Variants in SAMD12 observed in about 807,000 individuals in gnomAD.
The protein encoded by SAMD12 is sterile alpha motif domain-containing protein 12.
In SAMD12, 9 loss-of-function variants were observed where a neutral mutation model predicts 15.0. The observed-to-expected ratio is 0.60, with a 90% CI of 0.36 to 1.05. SAMD12 has a LOEUF of 1.05. SAMD12 is among the 50% of genes least tolerant of loss of function. SAMD12 has a pLI of 0.01. For missense variants in SAMD12, 230 were observed against 234.2 expected, an observed-to-expected ratio of 0.98 and a Z score of 0.12; for synonymous variants, 86 against 90.1, an observed-to-expected ratio of 0.96 and a Z score of 0.25.
chr8:118,467,185 G>A (rs1215279546), intron 2 of SAMD12, among the ~76,000 whole-genome samples: 1 of 152,098 alleles, frequency 6.6e-6, no homozygotes, highest in African/African-American at 2.4e-5. Context: ...ACTACTTCTG[G>A]ACCCCCTTGG....
chr8:118,364,034 A>C (rs1162569404), intron 4 of SAMD12, among the ~76,000 whole-genome samples: 2 of 152,236 alleles, frequency 1.3e-5, no homozygotes, highest in Non-Finnish European at 2.9e-5. Context: ...TTAATAATTC[A>C]GAAAACTGCT....
intron 2 of SAMD12, among the ~76,000 whole-genome samples, chr8:118,488,094 AAAT>A (rs952490632): frequency 2.0e-5 from 3 of 152,186 alleles, no homozygotes; most frequent in African/African-American, 7.2e-5. Flanking sequence ...ATAAAAAAAA[AAAT>A]AAGACTATCA....
At chr8:118,191,756 T>TTCTCTCTCTCTCTCTCTCTCTCTCTCTC (rs1819380190) in exon 5 of SAMD12, 3 of 15,350 alleles carry the variant, frequency 2.0e-4, no homozygotes, top group African/African-American at 6.4e-4. Flanking sequence ...ATACTGGAGA[T>TTCTCTCTCTCTCTCTCTCTCTCTCTCTC]TATATATATA....
At chr8:118,546,817 C>A (rs1728595914) in intron 2 of SAMD12, among the ~76,000 whole-genome samples, 1 of 152,180 alleles carries the variant, frequency 6.6e-6, no homozygotes, top group African/African-American at 2.4e-5. Context: ...TCATTGGGAA[C>A]TGAGCCCAGC....
intron 2 of SAMD12, among the ~76,000 whole-genome samples, chr8:118,514,248 T>A (rs548344360): frequency 6.6e-6 from 1 of 152,318 alleles, no homozygotes; most frequent in South Asian, 2.1e-4. Context: ...ACAATAGAAA[T>A]TTTGAACATT....
chr8:118,299,057 GAA>G (rs1317050928), intron 4 of SAMD12, among the ~76,000 whole-genome samples: 1 of 152,108 alleles, frequency 6.6e-6, no homozygotes, highest in African/African-American at 2.4e-5. Context: ...TTATATCTGG[GAA>G]AAGTCATTGC....
In SAMD12 at chr8:118,379,208, G is replaced by T. The variant is rs1222258758; in HGVS notation, c.*209C>A. The stretch of plus-strand genomic sequence containing the variant: ...AGCTACAGCTGGACTGTACAGTTGT[G>T]CAGGCTGCACATTATACAACTCTAG... On this transcript the variant is annotated 3_prime_UTR_variant, in exon 4 of 4. Transcript: ENST00000314727. 26 of 1,389,606 alleles carry T rather than the reference G, an allele frequency of 1.9e-5. No homozygotes were observed. The highest frequency in any genetic ancestry group is 1.9e-6 in the Non-Finnish European group (2 of 1,072,778). 86.1% of individuals were successfully genotyped at this position (1,389,606 alleles called of 1,614,324 possible). A position where few individuals can be genotyped will look rare whatever the true frequency, so the allele number is the denominator to read the frequency against.
chr8:118,407,975 G>A (rs896032462), intron 3 of SAMD12, among the ~76,000 whole-genome samples: 2 of 152,124 alleles, frequency 1.3e-5, no homozygotes, highest in African/African-American at 4.8e-5. Context: ...CACTGTGAAT[G>A]ATTCGAGCTC....
At chr8:118,305,682 T>G (rs751132084) in intron 4 of SAMD12, among the ~76,000 whole-genome samples, 2 of 152,178 alleles carry the variant, frequency 1.3e-5, no homozygotes, top group Non-Finnish European at 2.9e-5. Context: ...AAATAATGTC[T>G]AGAAAGGTCC....
At chr8:118,615,987 A>G (rs1385814007) in intron 1 of SAMD12, among the ~76,000 whole-genome samples, 4 of 152,236 alleles carry the variant, frequency 2.6e-5, no homozygotes, top group Non-Finnish European at 5.9e-5. Flanking sequence ...GGAATTTTCA[A>G]TGACGAACTT....
intron 1 of SAMD12, among the ~76,000 whole-genome samples, chr8:118,617,193 ACT>A (rs1253042253): frequency 1.3e-5 from 2 of 152,102 alleles, no homozygotes; most frequent in African/African-American, 4.8e-5. Flanking sequence ...GACTCCTTTT[ACT>A]CTCTGTGATG....
chr8:118,196,722 A>G (rs958552002), exon 5 of SAMD12: 1 of 152,174 alleles, frequency 6.6e-6, no homozygotes, highest in African/African-American at 2.4e-5. Flanking sequence ...GTCAGACCAC[A>G]CAAAAGAATT....
chr8:118,378,707 T>G lies in SAMD12; in HGVS notation c.*710A>C, dbSNP rs919687697. 2.0e-6 allele frequency: 2 copies of G among 984,958 alleles called. No homozygotes were observed. Among genetic ancestry groups the G allele is most frequent in the Non-Finnish European group, 1.2e-6 (1 of 829,642 alleles). 61.0% of individuals were successfully genotyped at this position (984,958 alleles called of 1,614,324 possible). A position where few individuals can be genotyped will look rare whatever the true frequency, so the allele number is the denominator to read the frequency against. On this transcript the variant is annotated 3_prime_UTR_variant, in exon 4 of 4. Coordinates refer to ENST00000314727, the MANE Select transcript of SAMD12 (RefSeq NM_207506.3). ...TTTATCATCCTTTCATTTAAAACGATGTACAATGGACGCTAAAATAAAACA... is the reference window on the plus strand; with the variant it reads ...TTTATCATCCTTTCATTTAAAACGAGGTACAATGGACGCTAAAATAAAACA...
intron 2 of SAMD12, among the ~76,000 whole-genome samples, chr8:118,548,753 C>G (rs1218253211): frequency 2.6e-5 from 4 of 152,236 alleles, no homozygotes; most frequent in Admixed American, 2.0e-4. Flanking sequence ...TGCAAGGGGT[C>G]AGGGAGTTCC....
At chr8:118,391,096 T>C (rs570802489) in intron 3 of SAMD12, among the ~76,000 whole-genome samples, 1 of 152,198 alleles carries the variant, frequency 6.6e-6, no homozygotes, top group Non-Finnish European at 1.5e-5. Context: ...TTCTACAGCG[T>C]TTGTTAGTAC....
At chr8:118,367,558 AT>A (rs201786911) in intron 4 of SAMD12, among the ~76,000 whole-genome samples, 1,571 of 152,330 alleles carry the variant, frequency 0.01, 12 homozygotes, top group Non-Finnish European at 0.014. Context: ...ACCATCTTAA[AT>A]TGTCCAAACA....
intron 3 of SAMD12, among the ~76,000 whole-genome samples, chr8:118,425,191 G>A (rs1459407215): frequency 1.3e-5 from 2 of 152,118 alleles, no homozygotes; most frequent in Non-Finnish European, 2.9e-5. Context: ...GCCCGCCTTG[G>A]CCTCCCAAAG....
chr8:118,530,426 T>A (rs377557377), intron 2 of SAMD12, among the ~76,000 whole-genome samples: 27 of 152,204 alleles, frequency 1.8e-4, no homozygotes, highest in African/African-American at 6.5e-4. Context: ...TGTGTCCATG[T>A]GTACTCAATG....
At chr8:118,504,685 C>G (rs1031228341) in intron 2 of SAMD12, among the ~76,000 whole-genome samples, 1 of 152,132 alleles carries the variant, frequency 6.6e-6, no homozygotes, top group African/African-American at 2.4e-5. Flanking sequence ...TGACAAGTGT[C>G]TCTATGGGAG....
Sources: gnomAD v4.1 joint callset for allele counts (sites outside exome capture counted in the v4.1 genomes callset) on GRCh38, gnomAD v4.1.1 for gene constraint, MANE v1.5 for transcripts, NCBI Gene and HGNC (gene_info 2026-07-23, HGNC 2026-07-21) for gene names.